Variants in KDM3B observed in about 807,000 individuals in gnomAD.
KDM3B encodes the protein lysine demethylase 3B, also known as lysine-specific demethylase 3B.
In KDM3B, 10 loss-of-function variants were observed where a neutral mutation model predicts 170.0. That is an observed-to-expected ratio of 0.06 (90% CI 0.04 to 0.10). The LOEUF is 0.10. Ranked by LOEUF, KDM3B falls within the 10% of genes least tolerant of loss-of-function variation. The pLI is 1.00. For synonymous variants in KDM3B, 831 were observed against 834.8 expected, an observed-to-expected ratio of 1.00 and a Z score of 0.08; for missense variants, 1,394 against 2,195.2, an observed-to-expected ratio of 0.64 and a Z score of 7.29.
Position 138,433,656 on chromosome 5 carries a change from G to A in KDM3B, c.5206-1964G>A, listed in dbSNP as rs536628492. Among the ~76,000 whole-genome samples, 7 of 151,562 alleles carry A rather than the reference G, an allele frequency of 4.6e-5. No individual in the cohort carries two copies. In the South Asian group the frequency reaches 1.0e-3, roughly 23 times the overall value. Reference sequence around the variant, plus strand: ...ACTCCCGACCTCAGGTGATCTGCCCGCCTCCACCTCCCAAAGCGCTGGAAT... The same window carrying A: ...ACTCCCGACCTCAGGTGATCTGCCCACCTCCACCTCCCAAAGCGCTGGAAT... On this transcript the variant is annotated intron_variant, in intron 23 of 23. Coordinates refer to ENST00000314358, the MANE Select transcript of KDM3B (RefSeq NM_016604.4).
At chr5:138,388,407 C>T (rs775623893) in intron 7 of KDM3B, among the ~76,000 whole-genome samples, 3 of 151,798 alleles carry the variant, frequency 2.0e-5, no homozygotes, top group Non-Finnish European at 2.9e-5. Context: ...CCGAGGCGGG[C>T]GGATCACGAG....
At chr5:138,422,056 C>T (rs1285228456) in intron 15 of KDM3B, among the ~76,000 whole-genome samples, 2 of 152,196 alleles carry the variant, frequency 1.3e-5, no homozygotes, top group African/African-American at 4.8e-5. Context: ...TCACTTGCTT[C>T]ATCATCAGCT....
chr5:138,357,984 G>T (rs1761496307), intron 1 of KDM3B, among the ~76,000 whole-genome samples: 1 of 150,756 alleles, frequency 6.6e-6, no homozygotes, highest in Non-Finnish European at 1.5e-5. Flanking sequence ...ACCGTGCCTG[G>T]CATGGAATTA....
At chr5:138,422,993 G>T (rs1389124984) in intron 15 of KDM3B, among the ~76,000 whole-genome samples, 1 of 152,104 alleles carries the variant, frequency 6.6e-6, no homozygotes, top group Non-Finnish European at 1.5e-5. Context: ...AAGCTGGAGT[G>T]CAGTGGCACG....
At chr5:138,412,718 G>A (rs1028836269) in intron 11 of KDM3B, among the ~76,000 whole-genome samples, 2 of 152,140 alleles carry the variant, frequency 1.3e-5, no homozygotes, top group African/African-American at 2.4e-5. Flanking sequence ...CCAGCTACCT[G>A]GGAGGCTGAG....
At chr5:138,353,210 G>T (rs899917987) in intron 1 of KDM3B, among the ~76,000 whole-genome samples, 1 of 152,186 alleles carries the variant, frequency 6.6e-6, no homozygotes, top group Non-Finnish European at 1.5e-5. Flanking sequence ...CGGCCAGGGC[G>T]TCCGGAGCTG....
chr5:138,393,276 A>C lies in KDM3B; in HGVS notation c.2735A>C (p.His912Pro). 1 of 1,614,214 alleles carries C rather than the reference A, an allele frequency of 6.2e-7. No individual in the cohort carries two copies. Among genetic ancestry groups the C allele is most frequent in the Non-Finnish European group, 8.5e-7 (1 of 1,180,022 alleles). ...TGCATCAATGTGGCACCTCATCTGCACAAGTGTCGTGAATGCCGCCTGGAG... is the reference window on the plus strand; with the variant it reads ...TGCATCAATGTGGCACCTCATCTGCCCAAGTGTCGTGAATGCCGCCTGGAG... ...GSCINVAPHL[H>P]KCRECRLERY... Residue 912 changes from histidine (H) to proline (P), a missense_variant, in exon 9 of 24, where the codon CAC (histidine) becomes CCC (proline). Transcript: ENST00000314358.
chr5:138,362,349 A>G (rs1019838494), intron 1 of KDM3B, among the ~76,000 whole-genome samples: 1 of 151,938 alleles, frequency 6.6e-6, no homozygotes, highest in African/African-American at 2.4e-5. Flanking sequence ...TGCTAACCTT[A>G]TGAACCAGGG....
chr5:138,381,410 A>G (rs993565809), intron 5 of KDM3B, 106 bp from the exon 6 acceptor site: 4 of 709,278 alleles, frequency 5.6e-6, no homozygotes, highest in Non-Finnish European at 2.5e-6. Flanking sequence ...CTTTCATTCT[A>G]GTAGGTGAGT....
intron 11 of KDM3B, among the ~76,000 whole-genome samples, chr5:138,404,476 A>G (rs923439354): frequency 2.0e-5 from 3 of 151,964 alleles, no homozygotes; most frequent in Admixed American, 6.5e-5. Flanking sequence ...AAAAATACAA[A>G]ATTAGCCGGG....
chr5:138,419,937 G>A (rs1469516443), intron 14 of KDM3B, among the ~76,000 whole-genome samples: 1 of 152,008 alleles, frequency 6.6e-6, no homozygotes, highest in Non-Finnish European at 1.5e-5. Flanking sequence ...TCCGGCTGGA[G>A]TGCAGTGGCG....
intron 1 of KDM3B, among the ~76,000 whole-genome samples, chr5:138,357,521 G>A (rs1195937134): frequency 6.6e-6 from 1 of 150,838 alleles, no homozygotes; most frequent in East Asian, 2.0e-4. Flanking sequence ...ACACTACCAC[G>A]TCTGGCAAAT....
chr5:138,413,234 T>C (rs1279704431), intron 11 of KDM3B, among the ~76,000 whole-genome samples: 1 of 151,734 alleles, frequency 6.6e-6, no homozygotes, highest in African/African-American at 2.4e-5. Context: ...ACACAAAAAA[T>C]TAGTTGGGCA....
chr5:138,388,679 G>T (rs1468712007), intron 7 of KDM3B, among the ~76,000 whole-genome samples: 1 of 151,180 alleles, frequency 6.6e-6, no homozygotes, highest in Admixed American at 6.6e-5. Context: ...GGGCTTGGTG[G>T]CATGTGTCTG....
intron 1 of KDM3B, among the ~76,000 whole-genome samples, chr5:138,365,711 A>G (rs1761727637): frequency 6.6e-6 from 1 of 151,870 alleles, no homozygotes; most frequent in Non-Finnish European, 1.5e-5. Flanking sequence ...TAAATACATT[A>G]TTTTAGTCCA....
At chr5:138,394,995 G>T (rs531266973) in intron 9 of KDM3B, among the ~76,000 whole-genome samples, 30 of 152,298 alleles carry the variant, frequency 2.0e-4, no homozygotes, top group African/African-American at 5.1e-4. Flanking sequence ...ATGATTCTAT[G>T]TCTGGTTCTA....
At chr5:138,360,522 T>TTGTGTGTGTGTG (rs55976818) in intron 1 of KDM3B, among the ~76,000 whole-genome samples, 3,255 of 137,920 alleles carry the variant, frequency 0.024, 55 homozygotes, top group Middle Eastern at 0.049. Context: ...TAAAAAAAGA[T>TTGTGTGTGTGTG]TGTGTGTGTG....
chr5:138,408,971 A>G (rs1187392691), intron 11 of KDM3B, among the ~76,000 whole-genome samples: 3 of 152,320 alleles, frequency 2.0e-5, no homozygotes, highest in Non-Finnish European at 2.9e-5. Flanking sequence ...TGGTATTAAA[A>G]TTTCTTGGGT....
At chr5:138,417,317 C>T (rs529040439) in intron 12 of KDM3B, among the ~76,000 whole-genome samples, 166 bp from the exon 13 acceptor site, 3 of 152,290 alleles carry the variant, frequency 2.0e-5, no homozygotes, top group South Asian at 2.1e-4. Context: ...AATGGCCTAA[C>T]TTCTTCTCTC....
Sources: allele counts gnomAD v4.1 joint callset (sites outside exome capture counted in the v4.1 genomes callset), GRCh38; gene constraint gnomAD v4.1.1; transcripts MANE v1.5; gene names NCBI Gene and HGNC (gene_info 2026-07-23, HGNC 2026-07-21).